CCDC110: variants seen among roughly 807,000 people sequenced by gnomAD.
CCDC110 encodes coiled-coil domain-containing protein 110.
CCDC110 carries 70 observed loss-of-function variants against 77.1 expected under a neutral mutation model. The ratio of observed to expected loss-of-function variants is 0.91; its 90% CI spans 0.75 to 1.11. The LOEUF (loss-of-function observed/expected upper bound fraction) is 1.11, where lower values mean the gene tolerates loss of function less well. CCDC110 is among the 50% of genes least tolerant of loss of function. The probability of loss-of-function intolerance (pLI) is 0.00; values close to 1 mark genes in which losing one functional copy is unlikely to be tolerated. For missense variants in CCDC110, 868 were observed against 942.9 expected (o/e 0.92, Z 1.04); for synonymous variants, 295 against 312.5 (o/e 0.94, Z 0.59).
chr4:185,446,385 G>A (rs1310210122), intron 6 of CCDC110, among the ~76,000 whole-genome samples: 1 of 152,108 alleles, frequency 6.6e-6, no homozygotes, highest in Admixed American at 6.6e-5. Flanking sequence ...AACTTAGATG[G>A]TGTTCATACT....
intron 5 of CCDC110, among the ~76,000 whole-genome samples, chr4:185,460,663 T>C (rs2095644371): frequency 6.6e-6 from 1 of 152,208 alleles, no homozygotes; most frequent in Non-Finnish European, 1.5e-5. Flanking sequence ...GTGACTATCC[T>C]GGAAGTGTGA....
intron 4 of CCDC110, among the ~76,000 whole-genome samples, chr4:185,462,192 A>G (rs2095647659): frequency 6.6e-6 from 1 of 152,204 alleles, no homozygotes; most frequent in Admixed American, 6.5e-5. Context: ...GAGTCTGAGA[A>G]TCCCCTACTG....
intron 6 of CCDC110, among the ~76,000 whole-genome samples, chr4:185,453,173 G>C (rs2095631502): frequency 6.6e-6 from 1 of 152,192 alleles, no homozygotes; most frequent in East Asian, 1.9e-4. Flanking sequence ...TTTGAGGCCA[G>C]ACTGGGCCAC....
chr4:185,459,549 A>C lies in CCDC110; in HGVS notation c.1038T>G (p.Ser346Arg). The change falls in exon 6 of 7, where the codon AGT becomes AGG. Residue 346 changes from serine (S) to arginine (R), a missense_variant. By Grantham distance (110) the Ser-to-Arg change is moderately radical. Transcript: ENST00000307588. ...FCRKCKKLSK[S>R]EMHRGKKNEK... Reference sequence around the variant, plus strand: ...CATTTTTCTTTCCCCTGTGCATTTCACTCTTAGATAACTTTTTACATTTTC... The same window carrying C: ...CATTTTTCTTTCCCCTGTGCATTTCCCTCTTAGATAACTTTTTACATTTTC... 6.2e-7 allele frequency: 1 copy of C among 1,612,744 alleles called. No individual in the cohort carries two copies. Among genetic ancestry groups the C allele is most frequent in the African/African-American group, 1.3e-5 (1 of 74,936 alleles).
chr4:185,459,726 G>T lies in CCDC110; in HGVS notation c.861C>A (p.His287Gln). 6.2e-7 allele frequency: 1 copy of T among 1,613,464 alleles called. No homozygotes were observed. The highest frequency in any genetic ancestry group is 1.3e-5 in the African/African-American group (1 of 74,972). The part of the protein sequence containing the change: ...RNGKYDMSPI[H>Q]QDKMNFIKEE... ...CCTTAATAAAGTTCATTTTATCCTG[G>T]TGAATAGGGGACATGTCATATTTAC... The change falls in exon 6 of 7, where the codon CAC becomes CAA. Residue 287 changes from histidine (H) to glutamine (Q), a missense_variant. Coordinates refer to ENST00000307588, the MANE Select transcript of CCDC110 (RefSeq NM_152775.4).
intron 4 of CCDC110, among the ~76,000 whole-genome samples, chr4:185,462,411 CGT>C: frequency 6.6e-6 from 1 of 152,202 alleles, no homozygotes; most frequent in Middle Eastern, 3.4e-3. Flanking sequence ...AGACTTTAAA[CGT>C]GTATTGAAAA....
intron 6 of CCDC110, among the ~76,000 whole-genome samples, chr4:185,447,237 A>C (rs1004381985): frequency 3.3e-5 from 5 of 151,158 alleles, no homozygotes; most frequent in Admixed American, 3.3e-4. Flanking sequence ...GCTGGAATGC[A>C]GTGGCACGAT....
chr4:185,459,441 C>T lies in CCDC110; in HGVS notation c.1146G>A (p.Leu382=). The T allele has an allele frequency of 6.2e-7, 1 of 1,613,230 alleles. No individual in the cohort carries two copies. The highest frequency in any genetic ancestry group is 1.1e-5 in the South Asian group (1 of 91,032). Residue 382 remains leucine, a synonymous_variant, in exon 6 of 7, where the codon CTG becomes CTA. Coordinates refer to ENST00000307588, the MANE Select transcript of CCDC110 (RefSeq NM_152775.4). ...CATGTTTTGTTTGGTCGAGGAAGGACAGTGTGTATCTTGGAACTCTGGAAT... is the reference window on the plus strand; with the variant it reads ...CATGTTTTGTTTGGTCGAGGAAGGATAGTGTGTATCTTGGAACTCTGGAAT... ...KFHSRVPRYT[L]SFLDQTKHEM...
intron 2 of CCDC110, among the ~76,000 whole-genome samples, chr4:185,463,388 C>A (rs938136290): frequency 6.6e-6 from 1 of 152,092 alleles, no homozygotes; most frequent in Non-Finnish European, 1.5e-5. Context: ...TATGGGAGAC[C>A]CTTGGCAAAG....
chr4:185,457,725 A>C (rs2095638044), intron 6 of CCDC110: 1 of 1,284,968 alleles, frequency 7.8e-7, no homozygotes, highest in Non-Finnish European at 1.0e-6. Context: ...TGGGGGGAAA[A>C]AGTACTTGGA....
chr4:185,461,355 T>C (rs1407758842), intron 4 of CCDC110, among the ~76,000 whole-genome samples, 196 bp from the exon 5 acceptor site: 4 of 152,234 alleles, frequency 2.6e-5, no homozygotes, highest in Non-Finnish European at 4.4e-5. Context: ...AATTATGCCT[T>C]GTTATAATCA....
At chr4:185,447,382 G>A (rs750401930) in intron 6 of CCDC110, among the ~76,000 whole-genome samples, 88 of 152,064 alleles carry the variant, frequency 5.8e-4, no homozygotes, top group Non-Finnish European at 1.0e-3. Context: ...GGGTTTCACT[G>A]TGTTAGCCAG....
At chr4:185,448,093 T>A (rs1169810721) in intron 6 of CCDC110, among the ~76,000 whole-genome samples, 6 of 151,960 alleles carry the variant, frequency 3.9e-5, no homozygotes, top group African/African-American at 1.5e-4. Context: ...TGATCTCGGC[T>A]CACTGCAACC....
rs1388296567 is a variant in CCDC110, at chr4:185,449,712, G to C, written c.2462-4170C>G. The C allele has an allele frequency of 2.7e-6, 3 of 1,098,852 alleles. No individual in the cohort carries two copies. The African/African-American group carries it at 4.9e-5, about 18-fold the overall frequency. 68.1% of individuals were successfully genotyped at this position (1,098,852 alleles called of 1,614,324 possible). ...ATTCACTATCAAGAGCTAATTATTTGAAAAAATATAAGATGTTATGGAGCA... is the reference window on the plus strand; with the variant it reads ...ATTCACTATCAAGAGCTAATTATTTCAAAAAATATAAGATGTTATGGAGCA... On this transcript the variant is annotated intron_variant, in intron 6 of 6. Coordinates refer to ENST00000307588, the MANE Select transcript of CCDC110 (RefSeq NM_152775.4).
chr4:185,453,382 T>C lies in CCDC110; in HGVS notation c.2461+4744A>G, dbSNP rs1010557108. 5.9e-5 allele frequency among the ~76,000 whole-genome samples: 9 copies of C among 152,232 alleles called. No individual in the cohort carries two copies. The South Asian group carries it at 6.2e-4, about 10-fold the overall frequency. On this transcript the variant is annotated intron_variant, in intron 6 of 6. Coordinates refer to ENST00000307588, the MANE Select transcript of CCDC110 (RefSeq NM_152775.4). ...TTATAGTAGCATTACATAACACTTA[T>C]ATAATGCGATGTGCCAGATACCATT... is the stretch of plus-strand genomic sequence containing the variant.
chr4:185,456,163 T>A lies in CCDC110; in HGVS notation c.2461+1963A>T, dbSNP rs2095635737. On this transcript the variant is annotated intron_variant, in intron 6 of 6. Transcript: ENST00000307588. ...AATTAAAAAAGATTATGTTCTCTGA[T>A]CAAAACAGAATTAAATTAGAAATCA... 1.3e-5 allele frequency among the ~76,000 whole-genome samples: 2 copies of A among 152,128 alleles called. 1 individual carries two copies. The highest frequency in any genetic ancestry group is 1.3e-4 in the Admixed American group (2 of 15,264).
intron 6 of CCDC110, among the ~76,000 whole-genome samples, chr4:185,447,602 C>T (rs565358414): frequency 6.6e-6 from 1 of 152,304 alleles, no homozygotes; most frequent in South Asian, 2.1e-4. Context: ...CTACAGAATG[C>T]TGTGTGTATT....
At chr4:185,453,348 TTAG>T (rs1210841323) in intron 6 of CCDC110, among the ~76,000 whole-genome samples, 1 of 152,222 alleles carries the variant, frequency 6.6e-6, no homozygotes, top group Middle Eastern at 3.2e-3. Context: ...CAAAAGTGAG[TTAG>T]TAGCATTATA....
rs2095668538 is a variant in CCDC110, at chr4:185,471,707, ACCGCCGCCGCACGCACCCGCT to A, written c.-45_-25del. Reference sequence around the variant, plus strand: ...ATCGCCGCGGCTCATCTCTCTCGCAACCGCCGCCGCACGCACCCGCTCCGCCGCCCCGCGCAGGGCATCCTG... The same window carrying A: ...ATCGCCGCGGCTCATCTCTCTCGCAACCGCCGCCCCGCGCAGGGCATCCTG... On this transcript the variant is annotated 5_prime_UTR_variant, in exon 1 of 7. Transcript: ENST00000307588. 1.3e-6 allele frequency: 2 copies of A among 1,536,736 alleles called. No homozygotes were observed. Among genetic ancestry groups the A allele is most frequent in the Admixed American group, 1.9e-5 (1 of 51,302 alleles).
Sources: allele counts gnomAD v4.1 joint callset (sites outside exome capture counted in the v4.1 genomes callset), GRCh38; gene constraint gnomAD v4.1.1; transcripts MANE v1.5; gene names NCBI Gene and HGNC (gene_info 2026-07-23, HGNC 2026-07-21).